Variants in MBTPS2 observed in about 807,000 individuals in gnomAD.
MBTPS2 encodes membrane bound transcription factor peptidase, site 2.
MBTPS2 carries 2 observed loss-of-function variants against 35.4 expected under a neutral mutation model. That is an observed-to-expected ratio of 0.06 (90% CI 0.02 to 0.18). The LOEUF is 0.18. MBTPS2 is among the 10% of genes least tolerant of loss of function. MBTPS2 has a pLI of 1.00. For synonymous variants in MBTPS2, 125 were observed against 140.4 expected (o/e 0.89, Z 0.77); for missense variants, 244 against 386.5 (o/e 0.63, Z 3.09).
intron 7 of MBTPS2, among the ~76,000 whole-genome samples, chrX:21,875,713 GA>G (rs1193521830): frequency 8.9e-6 from 1 of 112,069 alleles, no homozygotes; most frequent in East Asian, 2.8e-4. Flanking sequence ...GCTCAAAGTT[GA>G]GTCAGAAAAA....
Position 21,885,159 on chromosome X carries a change from T to C in MBTPS2, c.*2504T>C. 1 of 754,002 alleles carries C rather than the reference T, an allele frequency of 1.3e-6. No homozygotes were observed. The highest frequency in any genetic ancestry group is 1.6e-6 in the Non-Finnish European group (1 of 638,944). The allele number at this position is 754,002 out of a possible 1,213,427, so 62.1% of individuals were successfully genotyped here. ...AAAAGACATGCAGTTAAACTTGACC[T>C]TTTGATAATCGCTCTTACAGGTCAT... On this transcript the variant is annotated 3_prime_UTR_variant, in exon 11 of 11. Coordinates refer to ENST00000379484, the MANE Select transcript of MBTPS2 (RefSeq NM_015884.4).
At chrX:21,853,593 G>A in intron 5 of MBTPS2, 90 bp downstream of exon 5, 4 of 886,912 alleles carry the variant, frequency 4.5e-6, no homozygotes, top group Non-Finnish European at 6.6e-6. Flanking sequence ...TATCACAAAT[G>A]ACAATATCTT....
intron 5 of MBTPS2, chrX:21,856,894 GCAGCAAAAAGCC>G (rs761456434): frequency 9.2e-5 from 111 of 1,209,938 alleles, no homozygotes; most frequent in East Asian, 1.5e-4. Flanking sequence ...ACCCAGAGCC[GCAGCAAAAAGCC>G]CAGCAAAAAG....
At chrX:21,850,507 A>C (rs1457877951) in intron 3 of MBTPS2, among the ~76,000 whole-genome samples, 2 of 110,856 alleles carry the variant, frequency 1.8e-5, no homozygotes, top group Non-Finnish European at 3.8e-5. Context: ...ATTATAAAAG[A>C]AAGCAGAAAT....
intron 3 of MBTPS2, among the ~76,000 whole-genome samples, chrX:21,851,210 T>C (rs930499290): frequency 1.8e-5 from 2 of 111,669 alleles, no homozygotes; most frequent in African/African-American, 6.5e-5. Context: ...CCCTCATTCT[T>C]TCCCAAGGTG....
intron 5 of MBTPS2, among the ~76,000 whole-genome samples, chrX:21,862,225 G>A (rs1350513471): frequency 9.0e-6 from 1 of 110,708 alleles, no homozygotes. Context: ...ACTAGGTATG[G>A]GGGAAGGGGT....
In MBTPS2 at chrX:21,845,287, C is replaced by T; in HGVS notation, c.341C>T (p.Ser114Phe). ...ATGGCTGACTCTCCCTCTTCTTATT[C>T]TTCCTCCTCTTCTTCCTCTTCCTCC... ...QMMADSPSSY[S>F]SSSSSSSSSS... Residue 114 changes from serine (S) to phenylalanine (F), a missense_variant, in exon 3 of 11, where the codon TCT (serine) becomes TTT (phenylalanine). Physicochemically the swap from Ser to Phe is radical, Grantham distance 155. Coordinates refer to ENST00000379484, the MANE Select transcript of MBTPS2 (RefSeq NM_015884.4). 8.3e-7 allele frequency: 1 copy of T among 1,202,406 alleles called. No homozygotes were observed. Among genetic ancestry groups the T allele is most frequent in the Non-Finnish European group, 1.1e-6 (1 of 887,566 alleles).
chrX:21,878,766 A>G (rs1452991387), intron 9 of MBTPS2, 74 bp downstream of exon 9: 1 of 671,521 alleles, frequency 1.5e-6, no homozygotes, highest in Non-Finnish European at 2.4e-6. Flanking sequence ...GACTCACTAC[A>G]AATCCTTGAA....
intron 5 of MBTPS2, among the ~76,000 whole-genome samples, chrX:21,862,955 T>C (rs1447575496): frequency 3.7e-5 from 2 of 53,780 alleles, no homozygotes; most frequent in African/African-American, 1.6e-4. Flanking sequence ...TATATATATA[T>C]ATATATATAT....
At chrX:21,862,805 C>A (rs1158886602) in intron 5 of MBTPS2, among the ~76,000 whole-genome samples, 1 of 92,954 alleles carries the variant, frequency 1.1e-5, no homozygotes, top group Non-Finnish European at 2.1e-5. Flanking sequence ...AACGAGACTC[C>A]GTCTCAAAAA....
intron 5 of MBTPS2, chrX:21,857,209 A>T: frequency 8.3e-7 from 1 of 1,212,030 alleles, no homozygotes; most frequent in Non-Finnish European, 1.1e-6. Context: ...ACTAAAGTGA[A>T]GCCCAAAAGG....
chrX:21,844,056 GC>G (rs1380101901), intron 2 of MBTPS2, among the ~76,000 whole-genome samples: 3 of 107,930 alleles, frequency 2.8e-5, no homozygotes, highest in Non-Finnish European at 5.7e-5. Context: ...GTTGCAGAGA[GC>G]CAAGATCACA....
In MBTPS2 at chrX:21,884,610, A is replaced by G. The variant is rs1357883150; in HGVS notation, c.*1955A>G. 2 of 752,614 alleles carry G rather than the reference A, an allele frequency of 2.7e-6. No individual in the cohort carries two copies. The highest frequency in any genetic ancestry group is 3.1e-6 in the Non-Finnish European group (2 of 639,080). 62.0% of individuals were successfully genotyped at this position (752,614 alleles called of 1,213,427 possible). On this transcript the variant is annotated 3_prime_UTR_variant, in exon 11 of 11. Coordinates refer to ENST00000379484, the MANE Select transcript of MBTPS2 (RefSeq NM_015884.4). Reference sequence around the variant, plus strand: ...TACTAGGAAAGAGCAGATCAGTACCATTTGTATAAAACCGGCCTCATTATG... The same window carrying G: ...TACTAGGAAAGAGCAGATCAGTACCGTTTGTATAAAACCGGCCTCATTATG...
intron 5 of MBTPS2, chrX:21,856,964 C>T (rs371278958): frequency 5.2e-5 from 63 of 1,210,453 alleles, no homozygotes; most frequent in Non-Finnish European, 8.9e-6. Context: ...CGGCAGGCAG[C>T]AGCTCCAGCC....
At chrX:21,868,800 T>C (rs2092943718) in intron 6 of MBTPS2, among the ~76,000 whole-genome samples, 1 of 112,830 alleles carries the variant, frequency 8.9e-6, no homozygotes, top group African/African-American at 3.2e-5. Flanking sequence ...CCTGATGCTG[T>C]ACTTAGGAAG....
chrX:21,861,937 T>C (rs1228261282), intron 5 of MBTPS2, among the ~76,000 whole-genome samples: 1 of 112,211 alleles, frequency 8.9e-6, no homozygotes, highest in Non-Finnish European at 1.9e-5. Context: ...AGCTAGGTAT[T>C]TGGCTGCTCT....
At chrX:21,868,368 T>C in intron 5 of MBTPS2, 99 bp from the exon 6 acceptor site, 1 of 591,765 alleles carries the variant, frequency 1.7e-6, no homozygotes, top group Non-Finnish European at 3.0e-6. Flanking sequence ...TTCTGATCAC[T>C]TTATTAATTT....
rs1448073533 is a variant in MBTPS2, at chrX:21,882,840, A to G, written c.*185A>G. 1 of 1,099,520 alleles carries G rather than the reference A, an allele frequency of 9.1e-7. No individual in the cohort carries two copies. Among genetic ancestry groups the G allele is most frequent in the African/African-American group, 1.8e-5 (1 of 54,185 alleles). 90.6% of individuals were successfully genotyped at this position (1,099,520 alleles called of 1,213,427 possible). On this transcript the variant is annotated 3_prime_UTR_variant, in exon 11 of 11. Coordinates refer to ENST00000379484, the MANE Select transcript of MBTPS2 (RefSeq NM_015884.4). ...AACTCTGTGGTAGAAGATAAGCAGAAGAAATGAAAGGCATAGTCCCTGACT... is the reference window on the plus strand; with the variant it reads ...AACTCTGTGGTAGAAGATAAGCAGAGGAAATGAAAGGCATAGTCCCTGACT...
intron 7 of MBTPS2, among the ~76,000 whole-genome samples, chrX:21,873,952 TGTATATAA>T (rs1252315884): frequency 1.9e-5 from 2 of 105,515 alleles, no homozygotes; most frequent in Non-Finnish European, 3.9e-5. Flanking sequence ...AGTAAGAGTG[TGTATATAA>T]GTATATATGT....
Sources: allele counts gnomAD v4.1 joint callset (sites outside exome capture counted in the v4.1 genomes callset), GRCh38; gene constraint gnomAD v4.1.1; transcripts MANE v1.5; gene names NCBI Gene and HGNC (gene_info 2026-07-23, HGNC 2026-07-21).